XXYLT1: variants seen among roughly 807,000 people sequenced by gnomAD.
XXYLT1 encodes xyloside xylosyltransferase 1, also known as UDP-xylose:alpha-xyloside alpha-1,3-xylosyltransferase.
A neutral mutation model predicts 28.9 loss-of-function variants in XXYLT1; 20 were observed. That is an observed-to-expected ratio of 0.69 (90% confidence interval 0.49 to 1.00). The LOEUF is 1.00. XXYLT1 is among the 50% of genes least tolerant of loss of function. The probability of loss-of-function intolerance (pLI) is 0.00; values close to 1 mark genes in which losing one functional copy is unlikely to be tolerated. For missense variants in XXYLT1, 542 were observed against 560.1 expected (o/e 0.97, Z 0.33); for synonymous variants, 257 against 253.8 (o/e 1.01, Z -0.12).
At chr3:195,227,676 G>A (rs1724115958) in intron 1 of XXYLT1, among the ~76,000 whole-genome samples, 1 of 152,150 alleles carries the variant, frequency 6.6e-6, no homozygotes, top group Non-Finnish European at 1.5e-5. Flanking sequence ...CACTCAGACA[G>A]GTTACACTTG....
rs752768087 is a variant in XXYLT1, at chr3:195,076,635, TG to T, written c.786-6525del. Among the ~76,000 whole-genome samples the T allele has an allele frequency of 3.3e-5, 5 of 152,192 alleles. No individual in the cohort carries two copies. The highest frequency in any genetic ancestry group is 7.3e-5 in the Non-Finnish European group (5 of 68,040). Reference sequence around the variant, plus strand: ...GGTGCTGCCTCTCCGTTCGGCGGGCTGGAAGTCCAAGATCACAGTGCTGGCA... The same window carrying T: ...GGTGCTGCCTCTCCGTTCGGCGGGCTGAAGTCCAAGATCACAGTGCTGGCA... On this transcript the variant is annotated intron_variant, in intron 3 of 3. Transcript: ENST00000310380. The surrounding 1 kb of genome is among the most constrained non-coding windows in gnomAD (Gnocchi z 5.3).
In XXYLT1 at chr3:195,213,263, C is replaced by CTT. The variant is rs924778735; in HGVS notation, c.652+13444_652+13445dup. ...ATCTGAGGGCAGCACTTCTTTCTTT[C>CTT]TTTTTTTTTTTTTTTTTTGAGACGG... On this transcript the variant is annotated intron_variant, in intron 2 of 3. Transcript: ENST00000310380. Among the ~76,000 whole-genome samples, 1,281 of 129,012 alleles carry CTT rather than the reference C, an allele frequency of 9.9e-3. 26 individuals carry two copies. The highest frequency in any genetic ancestry group is 0.048 in the Middle Eastern group (12 of 248). 84.6% of individuals were successfully genotyped at this position (129,012 alleles called of 152,430 possible).
intron 3 of XXYLT1, among the ~76,000 whole-genome samples, chr3:195,110,199 ATGTGTGG>A (rs1717463287): frequency 3.3e-3 from 18 of 5,418 alleles, no homozygotes; most frequent in East Asian, 3.3e-3. Flanking sequence ...GGTGAGGTGT[ATGTGTGG>A]TGTGTGCGTG....
intron 1 of XXYLT1, among the ~76,000 whole-genome samples, chr3:195,237,243 T>A (rs1724588867): frequency 6.6e-6 from 1 of 152,154 alleles, no homozygotes; most frequent in Non-Finnish European, 1.5e-5. Flanking sequence ...TTGCTGGAAC[T>A]CAAGTTCTGA....
intron 2 of XXYLT1, among the ~76,000 whole-genome samples, chr3:195,224,696 T>A (rs1489067662): frequency 6.6e-6 from 1 of 151,376 alleles, no homozygotes; most frequent in Non-Finnish European, 1.5e-5. Flanking sequence ...GGGAGGGAGG[T>A]GAAGGGAGGG....
At chr3:195,095,058 G>A (rs1716349542) in intron 3 of XXYLT1, among the ~76,000 whole-genome samples, 1 of 152,238 alleles carries the variant, frequency 6.6e-6, no homozygotes, top group Non-Finnish European at 1.5e-5. Flanking sequence ...GCCCCCAGGT[G>A]ATACCAACGC....
intron 1 of XXYLT1, among the ~76,000 whole-genome samples, chr3:195,231,779 T>C (rs1260632831): frequency 6.6e-6 from 1 of 151,920 alleles, no homozygotes; most frequent in Non-Finnish European, 1.5e-5. Flanking sequence ...AATGTACTGC[T>C]GACTTTGGTT....
At chr3:195,260,030 A>G (rs1725626088) in intron 1 of XXYLT1, 1 of 152,384 alleles carries the variant, frequency 6.6e-6, no homozygotes, top group East Asian at 1.9e-4. Flanking sequence ...CCCAGGAAGG[A>G]AATGACCGCC....
intron 1 of XXYLT1, among the ~76,000 whole-genome samples, chr3:195,236,624 C>A (rs2108816583): frequency 6.6e-6 from 1 of 151,744 alleles, no homozygotes; most frequent in East Asian, 1.9e-4. Context: ...AGACACAGTC[C>A]CCTTTATTCT....
intron 1 of XXYLT1, among the ~76,000 whole-genome samples, chr3:195,267,283 C>T (rs555668527): frequency 6.6e-6 from 1 of 152,362 alleles, no homozygotes; most frequent in Non-Finnish European, 1.5e-5. Context: ...TATCTTCAGA[C>T]AGTTCTAACA....
At chr3:195,178,776 C>T (rs1721798135) in intron 2 of XXYLT1, among the ~76,000 whole-genome samples, 1 of 152,180 alleles carries the variant, frequency 6.6e-6, no homozygotes, top group African/African-American at 2.4e-5. Flanking sequence ...ATATTTCCAC[C>T]AGGGAGCACA....
chr3:195,125,046 A>G (rs1413282746), intron 3 of XXYLT1, among the ~76,000 whole-genome samples: 1 of 152,218 alleles, frequency 6.6e-6, no homozygotes, highest in Non-Finnish European at 1.5e-5. Flanking sequence ...AGGGAAAGAG[A>G]AAAAAATGAA....
intron 3 of XXYLT1, among the ~76,000 whole-genome samples, chr3:195,080,792 C>T (rs889681067): frequency 3.3e-5 from 5 of 152,220 alleles, no homozygotes; most frequent in African/African-American, 4.8e-5. Context: ...TCCGCACCAG[C>T]GCCCTTCACC....
rs950246749 is a variant in XXYLT1 at position 195,255,255 on chromosome 3, C to T, written c.504+15300G>A. On this transcript the variant is annotated intron_variant, in intron 1 of 3. Coordinates refer to ENST00000310380, the MANE Select transcript of XXYLT1 (RefSeq NM_152531.5). The surrounding 1 kb of genome is among the most constrained non-coding windows in gnomAD (Gnocchi z 4.5). Reference sequence around the variant, plus strand: ...AGCCGCCGACCAGGCCTGGAGATCCCTGTGACAGTCACGGCAGGACTGGGG... The same window carrying T: ...AGCCGCCGACCAGGCCTGGAGATCCTTGTGACAGTCACGGCAGGACTGGGG... 3.3e-5 allele frequency among the ~76,000 whole-genome samples: 5 copies of T among 152,218 alleles called. No homozygotes were observed. Among genetic ancestry groups the T allele is most frequent in the African/African-American group, 1.2e-4 (5 of 41,450 alleles).
intron 3 of XXYLT1, among the ~76,000 whole-genome samples, chr3:195,071,931 G>A (rs1225999743): frequency 6.6e-6 from 1 of 152,176 alleles, no homozygotes; most frequent in Admixed American, 6.5e-5. Flanking sequence ...GGGAGGGCAC[G>A]AGAAGCAGGG....
At chr3:195,161,456 T>A (rs1720865864) in intron 2 of XXYLT1, among the ~76,000 whole-genome samples, 1 of 151,954 alleles carries the variant, frequency 6.6e-6, no homozygotes. Flanking sequence ...TGGGGCTTCA[T>A]GGACAGAACC....
intron 3 of XXYLT1, among the ~76,000 whole-genome samples, chr3:195,113,367 CACTT>C (rs1296940422): frequency 6.6e-6 from 1 of 152,156 alleles, no homozygotes; most frequent in Non-Finnish European, 1.5e-5. Context: ...CGTATATTAA[CACTT>C]ACTACGAGGC....
intron 1 of XXYLT1, among the ~76,000 whole-genome samples, chr3:195,242,136 T>C (rs1451861347): frequency 1.3e-5 from 2 of 152,170 alleles, no homozygotes; most frequent in African/African-American, 2.4e-5. Flanking sequence ...GGAGGGGCGA[T>C]GGGACAACTG....
At chr3:195,236,352 A>G (rs1469586432) in intron 1 of XXYLT1, among the ~76,000 whole-genome samples, 2 of 152,124 alleles carry the variant, frequency 1.3e-5, no homozygotes, top group African/African-American at 4.8e-5. Context: ...CTCCAGGCAG[A>G]GGACTCTCTC....
Sources: gnomAD v4.1 joint callset for allele counts (sites outside exome capture counted in the v4.1 genomes callset) on GRCh38, gnomAD v4.1.1 for gene constraint, Gnocchi (gnomAD v3.1) non-coding constraint, MANE v1.5 for transcripts, NCBI Gene and HGNC (gene_info 2026-07-23, HGNC 2026-07-21) for gene names.